PBX3: variants seen among roughly 807,000 people sequenced by gnomAD.
PBX3 encodes the protein PBX homeobox 3, also known as pre-B-cell leukemia transcription factor 3.
Under a neutral mutation model 48.5 loss-of-function variants are expected in PBX3, and 14 were observed. The ratio of observed to expected loss-of-function variants is 0.29; its 90% CI spans 0.19 to 0.45. The LOEUF (loss-of-function observed/expected upper bound fraction) is 0.45. Among genes scored for constraint, PBX3 ranks in the 20% least tolerant of loss-of-function variants. PBX3 has a pLI of 1.00. For synonymous variants in PBX3, 210 were observed against 200.3 expected, an observed-to-expected ratio of 1.05 and a Z score of -0.41; for missense variants, 386 against 546.7, an observed-to-expected ratio of 0.71 and a Z score of 2.93.
chr9:125,915,334 T>G (rs1031327316), intron 2 of PBX3, among the ~76,000 whole-genome samples: 1 of 152,150 alleles, frequency 6.6e-6, no homozygotes, highest in African/African-American at 2.4e-5. Context: ...TCTTAAAACA[T>G]TCAATTTTTT....
At chr9:125,913,291 C>A (rs1841247090) in intron 2 of PBX3, among the ~76,000 whole-genome samples, 1 of 152,000 alleles carries the variant, frequency 6.6e-6, no homozygotes, top group South Asian at 2.1e-4. Context: ...AACATATTTT[C>A]CTGTTCTTGA....
intron 2 of PBX3, among the ~76,000 whole-genome samples, chr9:125,905,027 T>C (rs1841037989): frequency 6.6e-6 from 1 of 152,002 alleles, no homozygotes; most frequent in Admixed American, 6.6e-5. Context: ...TTGAAATCTG[T>C]ATATTGTTAA....
chr9:125,780,777 A>G (rs1157011902), intron 2 of PBX3, among the ~76,000 whole-genome samples: 2 of 83,402 alleles, frequency 2.4e-5, no homozygotes, highest in Non-Finnish European at 2.4e-5. Flanking sequence ...CGGGGGGCTG[A>G]CCCCCCCACC....
Position 125,967,264 on chromosome 9 carries a change from A to G in PBX3, c.*1341A>G, listed in dbSNP as rs762325729. 7 of 152,664 alleles carry G rather than the reference A, an allele frequency of 4.6e-5. No individual in the cohort carries two copies. Among genetic ancestry groups the G allele is most frequent in the Non-Finnish European group, 1.0e-4 (7 of 68,044 alleles). The allele number at this position is 152,664 out of a possible 1,614,324, so 9.5% of individuals were successfully genotyped here. On this transcript the variant is annotated 3_prime_UTR_variant, in exon 9 of 9. Transcript: ENST00000373489. ...TTTGTGGCGGTGATTCTAATGTATT[A>G]AAAACGTTTCGTGTTCCTTTCTAAC...
At chr9:125,839,921 A>G (rs10986971) in intron 2 of PBX3, among the ~76,000 whole-genome samples, 3,038 of 152,270 alleles carry the variant, frequency 0.02, 166 homozygotes, top group East Asian at 0.17. Flanking sequence ...AATTCTTAGT[A>G]TAAAGCAAAA....
rs554694423 is a variant in PBX3, at chr9:125,960,624, T to C, written c.844-60T>C. 1.4e-4 allele frequency: 214 copies of C among 1,504,318 alleles called. 2 individuals carry two copies. The South Asian group carries it at 1.8e-3, about 13-fold the overall frequency. 93.2% of individuals were successfully genotyped at this position (1,504,318 alleles called of 1,614,324 possible). A position where few individuals can be genotyped will look rare whatever the true frequency, so the allele number is the denominator to read the frequency against. On this transcript the variant is annotated intron_variant, in intron 5 of 8. Transcript: ENST00000373489. ...TTGCCTTGGTGTCCAGCAGGTATTA[T>C]TGGAATTTGATTACTTCTTCCTCTC...
chr9:125,882,005 A>G (rs1840392852), intron 2 of PBX3, among the ~76,000 whole-genome samples: 1 of 152,022 alleles, frequency 6.6e-6, no homozygotes, highest in Admixed American at 6.6e-5. Flanking sequence ...GTTCGAGACC[A>G]GGCTGGGCAA....
chr9:125,773,642 C>A (rs916583939), intron 2 of PBX3, among the ~76,000 whole-genome samples: 1 of 152,104 alleles, frequency 6.6e-6, no homozygotes, highest in African/African-American at 2.4e-5. Context: ...AAAACAAGGG[C>A]GTCTGTTTCT....
chr9:125,786,028 C>A (rs897497286), intron 2 of PBX3, among the ~76,000 whole-genome samples: 1 of 149,674 alleles, frequency 6.7e-6, no homozygotes, highest in African/African-American at 2.5e-5. Context: ...TGATTCTGAT[C>A]GTTTTCTCTT....
chr9:125,904,048 C>A (rs371634061), intron 2 of PBX3, among the ~76,000 whole-genome samples: 2 of 151,772 alleles, frequency 1.3e-5, no homozygotes, highest in East Asian at 1.9e-4. Flanking sequence ...AGAAAGCTCT[C>A]AAAAAATGTG....
intron 2 of PBX3, among the ~76,000 whole-genome samples, chr9:125,856,304 G>C (rs1378131261): frequency 6.6e-6 from 1 of 152,172 alleles, no homozygotes; most frequent in Non-Finnish European, 1.5e-5. Context: ...AACTGGAAGA[G>C]TATGAGAAAA....
At chr9:125,841,961 A>C (rs991738236) in intron 2 of PBX3, among the ~76,000 whole-genome samples, 9 of 152,188 alleles carry the variant, frequency 5.9e-5, no homozygotes, top group African/African-American at 2.2e-4. Flanking sequence ...GAAAAATTTG[A>C]GTAAAAGACT....
At chr9:125,916,484 A>T (rs1461511786) in intron 3 of PBX3, among the ~76,000 whole-genome samples, 2 of 152,216 alleles carry the variant, frequency 1.3e-5, no homozygotes, top group Non-Finnish European at 1.5e-5. Flanking sequence ...AATGCTAGGC[A>T]AGGCATTATG....
intron 4 of PBX3, among the ~76,000 whole-genome samples, chr9:125,935,136 C>T (rs1588313522): frequency 6.6e-6 from 1 of 152,138 alleles, no homozygotes; most frequent in African/African-American, 2.4e-5. Context: ...AGAACTCTTC[C>T]TCTGCCCAGT....
At chr9:125,794,198 T>G (rs1323415432) in intron 2 of PBX3, among the ~76,000 whole-genome samples, 1 of 152,192 alleles carries the variant, frequency 6.6e-6, no homozygotes, top group Non-Finnish European at 1.5e-5. Context: ...ATTTTCTGCT[T>G]CTGTGTTTAC....
chr9:125,776,514 A>T (rs968306186), intron 2 of PBX3, among the ~76,000 whole-genome samples: 1 of 152,090 alleles, frequency 6.6e-6, no homozygotes, highest in Non-Finnish European at 1.5e-5. Context: ...TGGTAATTTT[A>T]TCTGGCTTCA....
chr9:125,863,004 C>T (rs1839898642), intron 2 of PBX3, among the ~76,000 whole-genome samples: 2 of 151,878 alleles, frequency 1.3e-5, no homozygotes, highest in South Asian at 4.2e-4. Context: ...CTTTAGTGAT[C>T]CTCCCACCTC....
intron 2 of PBX3, among the ~76,000 whole-genome samples, chr9:125,783,169 A>G (rs1276248278): frequency 1.3e-5 from 2 of 151,144 alleles, no homozygotes; most frequent in East Asian, 3.9e-4. Context: ...TCTTTTTGGG[A>G]CTCCCATTAT....
At chr9:125,882,629 C>A (rs1840408370) in intron 2 of PBX3, among the ~76,000 whole-genome samples, 1 of 152,212 alleles carries the variant, frequency 6.6e-6, no homozygotes, top group Admixed American at 6.5e-5. Flanking sequence ...GGAGTTTATT[C>A]TTTCCTCTTA....
Sources: allele counts gnomAD v4.1 joint callset (sites outside exome capture counted in the v4.1 genomes callset), GRCh38; gene constraint gnomAD v4.1.1; transcripts MANE v1.5; gene names NCBI Gene and HGNC (gene_info 2026-07-23, HGNC 2026-07-21).